The following ZFP36L2 variants were observed in gnomAD, a reference collection of about 807,000 sequenced individuals.
ZFP36L2 encodes the protein ZFP36 like 2 zinc finger CCCH-type.
ZFP36L2 carries 16 observed loss-of-function variants against 27.9 expected under a neutral mutation model. The observed-to-expected ratio is 0.57, with a 90% CI of 0.39 to 0.87. The LOEUF is 0.87. Among genes scored for constraint, ZFP36L2 ranks in the 40% least tolerant of loss-of-function variants. ZFP36L2 has a pLI of 0.00. For synonymous variants in ZFP36L2, 600 were observed against 363.8 expected (o/e 1.65, Z -7.39); for missense variants, 989 against 726.9 (o/e 1.36, Z -4.15).
Position 43,224,840 on chromosome 2 carries a change from A to C in ZFP36L2, c.964T>G (p.Cys322Gly). Residue 322 changes from cysteine (C) to glycine (G), a missense_variant, in exon 2 of 2, where the codon TGC (cysteine) becomes GGC (glycine). Cys to Gly is a radical substitution (Grantham distance 159, BLOSUM62 -3). Transcript: ENST00000282388. ...ASTPSGAPTCCASAAAAAAAA... is the reference protein window; with the variant it reads ...ASTPSGAPTCGASAAAAAAAA... Reference sequence around the variant, plus strand: ...GCAGCCGCGGCCGCCGCGGAGGCGCAGCATGTCGGGGCGCCCGAGGGCGTG... The same window carrying C: ...GCAGCCGCGGCCGCCGCGGAGGCGCCGCATGTCGGGGCGCCCGAGGGCGTG... 2 of 1,450,446 alleles carry C rather than the reference A, an allele frequency of 1.4e-6. No individual in the cohort carries two copies. The highest frequency in any genetic ancestry group is 1.8e-6 in the Non-Finnish European group (2 of 1,114,736). The allele number at this position is 1,450,446 out of a possible 1,614,324, so 89.8% of individuals were successfully genotyped here. A position where few individuals can be genotyped will look rare whatever the true frequency, so the allele number is the denominator to read the frequency against.
In ZFP36L2 at chr2:43,224,140, G is replaced by A. The variant is rs932723118; in HGVS notation, c.*179C>T. 2.1e-5 allele frequency: 10 copies of A among 468,482 alleles called. No individual in the cohort carries two copies. The highest frequency in any genetic ancestry group is 3.5e-5 in the Non-Finnish European group (10 of 288,204). 29.0% of individuals were successfully genotyped at this position (468,482 alleles called of 1,614,324 possible). On this transcript the variant is annotated 3_prime_UTR_variant, in exon 2 of 2. Transcript: ENST00000282388. ...AAGACAAGAGGAAACCGAAAAAGGA[G>A]GGGTGGGGGCCCCTCCCGGCACAGA...
In ZFP36L2 at chr2:43,222,554, AAAG is replaced by A. The variant is rs1666991911; in HGVS notation, c.*1762_*1764del. On this transcript the variant is annotated 3_prime_UTR_variant, in exon 2 of 2. Coordinates refer to ENST00000282388, the MANE Select transcript of ZFP36L2 (RefSeq NM_006887.5). The stretch of plus-strand genomic sequence containing the variant: ...TACATTCAAAAACCTACTTCTGTCC[AAAG>A]TAGTCCAGAGAGTACATATAGTGCT... 1 of 152,376 alleles carries A rather than the reference AAAG, an allele frequency of 6.6e-6. No individual in the cohort carries two copies. The highest frequency in any genetic ancestry group is 2.4e-5 in the African/African-American group (1 of 41,470). The allele number at this position is 152,376 out of a possible 1,614,324, so 9.4% of individuals were successfully genotyped here.
Position 43,224,738 on chromosome 2 carries a change from C to A in ZFP36L2, c.1066G>T (p.Ala356Ser), listed in dbSNP as rs752228972. The A allele has an allele frequency of 1.3e-6, 2 of 1,520,028 alleles. No homozygotes were observed. Among genetic ancestry groups the A allele is most frequent in the East Asian group, 5.5e-5 (2 of 36,242 alleles). 94.2% of individuals were successfully genotyped at this position (1,520,028 alleles called of 1,614,324 possible). A position where few individuals can be genotyped will look rare whatever the true frequency, so the allele number is the denominator to read the frequency against. Reference protein sequence around the residue: ...PGAPCAACSSASCANNAFAFG... With the variant: ...PGAPCAACSSSSCANNAFAFG... ...GCGAAGGCGTTGTTGGCGCACGAGG[C>A]CGACGAGCAGGCCGCGCACGGGGCC... Residue 356 changes from alanine to serine, a missense_variant, in exon 2 of 2, where the codon GCC becomes TCC. Coordinates refer to ENST00000282388, the MANE Select transcript of ZFP36L2 (RefSeq NM_006887.5).
Position 43,225,448 on chromosome 2 carries a change from A to C in ZFP36L2, c.356T>G (p.Phe119Cys), listed in dbSNP as rs1383405031. 1.2e-6 allele frequency: 2 copies of C among 1,610,186 alleles called. No homozygotes were observed. The highest frequency in any genetic ancestry group is 1.7e-5 in the Admixed American group (1 of 59,752). ...GTALLNKENK[F>C]RDRSFSENGD... ...GTTCTCGCTAAACGAGCGGTCCCGG[A>C]ATTTGTTCTCCTTGTTGAGCAGGGC... is the stretch of plus-strand genomic sequence containing the variant. Residue 119 changes from phenylalanine (F) to cysteine (C), a missense_variant, in exon 2 of 2, where the codon TTC (phenylalanine) becomes TGC (cysteine). Physicochemically the swap from Phe to Cys is radical, Grantham distance 205 (BLOSUM62 -2). Coordinates refer to ENST00000282388, the MANE Select transcript of ZFP36L2 (RefSeq NM_006887.5).
chr2:43,226,435 G>A lies in ZFP36L2; in HGVS notation c.-120C>T. ...GGCGAGGGGCGGGGAGGGGCCGAAA[G>A]TTTGCCGGGGGGCGAGAGGAGAGGG... On this transcript the variant is annotated 5_prime_UTR_variant, in exon 1 of 2. Coordinates refer to ENST00000282388, the MANE Select transcript of ZFP36L2 (RefSeq NM_006887.5). 3.0e-6 allele frequency: 4 copies of A among 1,337,348 alleles called. No homozygotes were observed. The highest frequency in any genetic ancestry group is 2.0e-5 in the Admixed American group (1 of 48,964). 82.8% of individuals were successfully genotyped at this position (1,337,348 alleles called of 1,614,324 possible).
chr2:43,225,723 C>T lies in ZFP36L2; in HGVS notation c.81G>A (p.Leu27=). 1 of 1,594,952 alleles carries T rather than the reference C, an allele frequency of 6.3e-7. No homozygotes were observed. The highest frequency in any genetic ancestry group is 8.5e-7 in the Non-Finnish European group (1 of 1,178,548). ...KTEKSLANLN[L]NNMLDKKAVG... is the part of the protein sequence containing the mutation. ...CCGCCTTCTTGTCCAGCATGTTGTT[C>T]AGGTTGAGGTTGGCCAGGGATTTCT... Residue 27 remains leucine, a synonymous_variant, in exon 2 of 2, where the codon CTG becomes CTA. Transcript: ENST00000282388.
rs1332463882 is a variant in ZFP36L2 at position 43,224,565 on chromosome 2, G to A, written c.1239C>T (p.Pro413=). ...CGGCCCCGGCGGGGAGGGTCGCGCT[G>A]GGCGGCGCCGGCGGCTGCGCGGGGG... The part of the protein sequence containing the change: ...LAPPAQPPAP[P]SATLPAGAAA... Residue 413 remains proline, a synonymous_variant, in exon 2 of 2, where the codon CCC becomes CCT. Transcript: ENST00000282388. 3.0e-6 allele frequency: 4 copies of A among 1,346,368 alleles called. No homozygotes were observed. In the Admixed American group the frequency reaches 1.5e-4, roughly 51 times the overall value. 83.4% of individuals were successfully genotyped at this position (1,346,368 alleles called of 1,614,324 possible). A position where few individuals can be genotyped will look rare whatever the true frequency, so the allele number is the denominator to read the frequency against.
rs745522686 is a variant in ZFP36L2 at position 43,225,716 on chromosome 2, T to G, written c.88A>C (p.Met30Leu). 24 of 1,595,102 alleles carry G rather than the reference T, an allele frequency of 1.5e-5. No individual in the cohort carries two copies. The highest frequency in any genetic ancestry group is 3.3e-4 in the Middle Eastern group (2 of 6,046). Reference sequence around the variant, plus strand: ...GTCCCCACCGCCTTCTTGTCCAGCATGTTGTTCAGGTTGAGGTTGGCCAGG... The same window carrying G: ...GTCCCCACCGCCTTCTTGTCCAGCAGGTTGTTCAGGTTGAGGTTGGCCAGG... ...KSLANLNLNN[M>L]LDKKAVGTPV... The change falls in exon 2 of 2, where the codon ATG becomes CTG. Residue 30 changes from methionine (M) to leucine (L), a missense_variant. By Grantham distance (15) the Met-to-Leu change is conservative. Coordinates refer to ENST00000282388, the MANE Select transcript of ZFP36L2 (RefSeq NM_006887.5).
Position 43,226,562 on chromosome 2 carries a change from G to GC in ZFP36L2, c.-248dup, listed in dbSNP as rs569150027. On this transcript the variant is annotated 5_prime_UTR_variant, in exon 1 of 2. Coordinates refer to ENST00000282388, the MANE Select transcript of ZFP36L2 (RefSeq NM_006887.5). ...CTCCGCGCCCCGGGGTGCCCGGCCC[G>GC]CCCCCCCCGCGGAGCCGACGGCAGC... 0.014 allele frequency: 6,404 copies of GC among 459,898 alleles called. 8 individuals carry two copies. Among genetic ancestry groups the GC allele is most frequent in the East Asian group, 0.024 (590 of 24,538 alleles). 28.5% of individuals were successfully genotyped at this position (459,898 alleles called of 1,614,324 possible). A position where few individuals can be genotyped will look rare whatever the true frequency, so the allele number is the denominator to read the frequency against.
rs1376696777 is a variant in ZFP36L2, at chr2:43,225,306, G to T, written c.498C>A (p.Gly166=). ...TELCRPFEES[G]TCKYGEKCQF... Reference sequence around the variant, plus strand: ...GGCACTTTTCGCCGTACTTGCACGTGCCGCTCTCCTCGAAGGGCCGGCACA... The same window carrying T: ...GGCACTTTTCGCCGTACTTGCACGTTCCGCTCTCCTCGAAGGGCCGGCACA... Residue 166 remains glycine, a synonymous_variant, in exon 2 of 2, where the codon GGC becomes GGA. Transcript: ENST00000282388. 5 of 1,612,784 alleles carry T rather than the reference G, an allele frequency of 3.1e-6. No individual in the cohort carries two copies. The highest frequency in any genetic ancestry group is 1.3e-5 in the African/African-American group (1 of 74,936).
Position 43,224,707 on chromosome 2 carries a change from CCGAAGG to C in ZFP36L2, c.1091_1096del (p.Ala364_Phe365del). 1.3e-6 allele frequency: 2 copies of C among 1,535,464 alleles called. No homozygotes were observed. The highest frequency in any genetic ancestry group is 1.7e-6 in the Non-Finnish European group (2 of 1,146,944). ...CGTGATGAGGCTGCTGAGCTCCGGA[CCGAAGG>C]CGAAGGCGTTGTTGGCGCACGAGGC... On this transcript the variant is annotated inframe_deletion, in exon 2 of 2. Transcript: ENST00000282388.
chr2:43,225,771 C>T lies in ZFP36L2; in HGVS notation c.52-19G>A, dbSNP rs199612878. 7 of 1,574,218 alleles carry T rather than the reference C, an allele frequency of 4.4e-6. No homozygotes were observed. The highest frequency in any genetic ancestry group is 2.8e-5 in the African/African-American group (2 of 72,244). ...TCTCTGTCTGCCAAAGGGAGGGGAG[C>T]GGGGAAGGGATGAAAAACGGAAGGG... On this transcript the variant is annotated intron_variant, in intron 1 of 1. Coordinates refer to ENST00000282388, the MANE Select transcript of ZFP36L2 (RefSeq NM_006887.5).
At chr2:43,226,165 G>C in intron 1 of ZFP36L2, 100 bp downstream of exon 1, 1 of 1,496,488 alleles carries the variant, frequency 6.7e-7, no homozygotes, top group South Asian at 1.2e-5. Flanking sequence ...TTCCCGACCT[G>C]AAAGGCAGGG....
chr2:43,223,331 CCA>C lies in ZFP36L2; in HGVS notation c.*986_*987del, dbSNP rs1338439706. The C allele has an allele frequency of 6.6e-6, 1 of 152,196 alleles. No homozygotes were observed. The highest frequency in any genetic ancestry group is 2.4e-5 in the African/African-American group (1 of 41,392). The allele number at this position is 152,196 out of a possible 1,614,324, so 9.4% of individuals were successfully genotyped here. A position where few individuals can be genotyped will look rare whatever the true frequency, so the allele number is the denominator to read the frequency against. On this transcript the variant is annotated 3_prime_UTR_variant, in exon 2 of 2. Transcript: ENST00000282388. ...TATTACTGTGAAAAGAACATACACTCCACATTTTGCCGATTAATAATGGCAAT... is the reference window on the plus strand; with the variant it reads ...TATTACTGTGAAAAGAACATACACTCCATTTTGCCGATTAATAATGGCAAT...
rs367571514 is a variant in ZFP36L2, at chr2:43,224,985, G to T, written c.819C>A (p.Gly273=). 4.4e-6 allele frequency: 7 copies of T among 1,583,456 alleles called. No homozygotes were observed. The highest frequency in any genetic ancestry group is 6.0e-6 in the Non-Finnish European group (7 of 1,175,328). The change falls in exon 2 of 2, where the codon GGC becomes GGA. Residue 273 remains glycine, a synonymous_variant. Transcript: ENST00000282388. Reference sequence around the variant, plus strand: ...TGTCGAGCAGCAGCGGCGACTCGAGGCCGCCCGGGGGCTGATGGTGGCCCG... The same window carrying T: ...TGTCGAGCAGCAGCGGCGACTCGAGTCCGCCCGGGGGCTGATGGTGGCCCG... The part of the protein sequence containing the change: ...FPSGHHQPPG[G]LESPLLLDSP...
In ZFP36L2 at chr2:43,226,406, A is replaced by G. The variant is rs1667106715; in HGVS notation, c.-91T>C. On this transcript the variant is annotated 5_prime_UTR_variant, in exon 1 of 2. Transcript: ENST00000282388. ...TGGCCGGGCTTGAGCCACGACGAAT[A>G]ACGGGCGAGGGGCGGGGAGGGGCCG... The G allele has an allele frequency of 2.0e-6, 3 of 1,505,206 alleles. No individual in the cohort carries two copies. The highest frequency in any genetic ancestry group is 2.0e-5 in the Admixed American group (1 of 50,610). 93.2% of individuals were successfully genotyped at this position (1,505,206 alleles called of 1,614,324 possible).
At position 43,224,788 on chromosome 2, in the gene ZFP36L2, C is replaced by G; in HGVS notation, c.1016G>C (p.Gly339Ala). The G allele has an allele frequency of 6.9e-7, 1 of 1,459,518 alleles. No individual in the cohort carries two copies. The highest frequency in any genetic ancestry group is 9.0e-7 in the Non-Finnish European group (1 of 1,113,212). 90.4% of individuals were successfully genotyped at this position (1,459,518 alleles called of 1,614,324 possible). A position where few individuals can be genotyped will look rare whatever the true frequency, so the allele number is the denominator to read the frequency against. Residue 339 changes from glycine to alanine, a missense_variant, in exon 2 of 2, where the codon GGC becomes GCC. Coordinates refer to ENST00000282388, the MANE Select transcript of ZFP36L2 (RefSeq NM_006887.5). ...AAAALLYGTGGAEDLLAPGAP... is the reference protein window; with the variant it reads ...AAAALLYGTGAAEDLLAPGAP... ...CCCCGGCGCCAGCAGGTCCTCGGCG[C>G]CCCCGGTGCCGTACAGCAGAGCGGC... is the stretch of plus-strand genomic sequence containing the variant.
rs1264992815 is a variant in ZFP36L2, at chr2:43,223,090, C to CTG, written c.*1228_*1229insCA. On this transcript the variant is annotated 3_prime_UTR_variant, in exon 2 of 2. Coordinates refer to ENST00000282388, the MANE Select transcript of ZFP36L2 (RefSeq NM_006887.5). ...ATTTTTTTCTTTGAAGTTGGATGGG[C>CTG]TACAACCTTTATACATTCTAAGAAA... is the stretch of plus-strand genomic sequence containing the variant. 6.6e-6 allele frequency: 1 copy of CTG among 152,290 alleles called. No homozygotes were observed. Among genetic ancestry groups the CTG allele is most frequent in the Non-Finnish European group, 1.5e-5 (1 of 68,026 alleles). The allele number at this position is 152,290 out of a possible 1,614,324, so 9.4% of individuals were successfully genotyped here.
rs1167526181 is a variant in ZFP36L2, at chr2:43,224,641, G to A, written c.1163C>T (p.Ala388Val). ...IQTHNFAAVA[A>V]AAYYRSQQQQ... ...CTGCTGACTGCGGTAGTAGGCGGCG[G>A]CGGCCACGGCGGCAAAGTTGTGGGT... Residue 388 changes from alanine to valine, a missense_variant, in exon 2 of 2, where the codon GCC becomes GTC. By Grantham distance (64) the Ala-to-Val change is moderately conservative. Transcript: ENST00000282388. 5 of 1,500,892 alleles carry A rather than the reference G, an allele frequency of 3.3e-6. No individual in the cohort carries two copies. The highest frequency in any genetic ancestry group is 1.3e-5 in the South Asian group (1 of 79,732). The allele number at this position is 1,500,892 out of a possible 1,614,324, so 93.0% of individuals were successfully genotyped here. A position where few individuals can be genotyped will look rare whatever the true frequency, so the allele number is the denominator to read the frequency against.
Sources: allele counts gnomAD v4.1 joint callset, GRCh38; gene constraint gnomAD v4.1.1; transcripts MANE v1.5; gene names NCBI Gene and HGNC (gene_info 2026-07-23, HGNC 2026-07-21).